Variants in PDE10A observed in about 807,000 individuals in gnomAD.
PDE10A encodes the protein cAMP and cAMP-inhibited cGMP 3',5'-cyclic phosphodiesterase 10A.
A neutral mutation model predicts 97.7 loss-of-function variants in PDE10A; 39 were observed. The observed-to-expected ratio is 0.40, with a 90% CI of 0.31 to 0.52. PDE10A has a LOEUF of 0.52. Ranked by LOEUF, PDE10A falls within the 20% of genes least tolerant of loss-of-function variation. PDE10A has a pLI of 0.56. For missense variants in PDE10A, 731 were observed against 1,047.8 expected, an observed-to-expected ratio of 0.70 and a Z score of 4.17; for synonymous variants, 371 against 376.8, an observed-to-expected ratio of 0.98 and a Z score of 0.18.
chr6:165,908,214 C>A (rs1251997748), intron 1 of PDE10A, among the ~76,000 whole-genome samples: 2 of 152,214 alleles, frequency 1.3e-5, no homozygotes, highest in Non-Finnish European at 2.9e-5. Flanking sequence ...GAGTCGGGCT[C>A]TGTCCCTGTT....
At chr6:165,979,066 G>A (rs549511357) in intron 1 of PDE10A, among the ~76,000 whole-genome samples, 25 of 152,246 alleles carry the variant, frequency 1.6e-4, no homozygotes, top group Non-Finnish European at 3.4e-4. Flanking sequence ...GATGACACAC[G>A]CACCAAGAGG....
intron 13 of PDE10A, among the ~76,000 whole-genome samples, chr6:165,398,003 TAAATA>T (rs1397168023): frequency 1.3e-5 from 2 of 152,210 alleles, no homozygotes; most frequent in Non-Finnish European, 2.9e-5. Flanking sequence ...TTTTACTTAC[TAAATA>T]AGTCTTTGTT....
At chr6:165,429,010 T>C (rs1296607530) in intron 9 of PDE10A, among the ~76,000 whole-genome samples, 2 of 152,070 alleles carry the variant, frequency 1.3e-5, no homozygotes, top group South Asian at 2.1e-4. Context: ...TAACAAAGTA[T>C]GCAGAAATAA....
chr6:165,735,098 A>G (rs1334756206), intron 1 of PDE10A, among the ~76,000 whole-genome samples: 2 of 151,704 alleles, frequency 1.3e-5, no homozygotes, highest in Non-Finnish European at 2.9e-5. Flanking sequence ...GTAGGTAGAT[A>G]GGTAGGCAGG....
chr6:165,873,949 G>A (rs1781268430), intron 1 of PDE10A, among the ~76,000 whole-genome samples: 1 of 152,220 alleles, frequency 6.6e-6, no homozygotes, highest in South Asian at 2.1e-4. Context: ...TCCATAAATG[G>A]AAAACATAAC....
chr6:165,616,207 C>T (rs1436147470), intron 1 of PDE10A, among the ~76,000 whole-genome samples: 2 of 152,016 alleles, frequency 1.3e-5, no homozygotes, highest in South Asian at 2.1e-4. Flanking sequence ...CAGTAGCTCC[C>T]GGTGTATCTC....
intron 5 of PDE10A, among the ~76,000 whole-genome samples, chr6:165,439,807 A>C (rs1189991668): frequency 2.0e-5 from 3 of 152,208 alleles, no homozygotes; most frequent in East Asian, 3.8e-4. Flanking sequence ...AATTTTGGGA[A>C]ATAAATAGAT....
intron 15 of PDE10A, among the ~76,000 whole-genome samples, chr6:165,394,247 GTGA>G (rs1785954968): frequency 1.3e-5 from 2 of 152,028 alleles, no homozygotes; most frequent in South Asian, 4.2e-4. Flanking sequence ...GCCCCAGTGT[GTGA>G]TGTTCCCCTC....
intron 2 of PDE10A, among the ~76,000 whole-genome samples, chr6:165,496,412 C>T (rs1780540323): frequency 6.6e-6 from 1 of 152,166 alleles, no homozygotes; most frequent in Admixed American, 6.5e-5. Context: ...GCTTCACTTA[C>T]CAACCATACA....
chr6:165,623,990 C>A (rs1476758792), intron 1 of PDE10A, among the ~76,000 whole-genome samples: 1 of 152,226 alleles, frequency 6.6e-6, no homozygotes, highest in Admixed American at 6.5e-5. Flanking sequence ...CCAAACTTGA[C>A]AATGGGAAAG....
In PDE10A at chr6:165,505,738, A is replaced by G. The variant is rs1029680191; in HGVS notation, c.995-23395T>C. 2.6e-5 allele frequency among the ~76,000 whole-genome samples: 4 copies of G among 152,168 alleles called. No homozygotes were observed. In the South Asian group the frequency reaches 6.2e-4, roughly 24 times the overall value. On this transcript the variant is annotated intron_variant, in intron 2 of 21. Transcript: ENST00000539869. The stretch of plus-strand genomic sequence containing the variant: ...GAGGTAAAGCCATAGAGCTTCTCTC[A>G]GAGAAAACAACACACATTTAAAAAT...
chr6:165,754,590 ATG>A (rs1245322813), intron 1 of PDE10A, among the ~76,000 whole-genome samples: 5 of 152,100 alleles, frequency 3.3e-5, no homozygotes, highest in East Asian at 1.9e-4. Context: ...ATGTGTGTGT[ATG>A]TGTGTGTGTA....
chr6:165,509,752 C>T (rs1009954927), intron 2 of PDE10A, among the ~76,000 whole-genome samples: 13 of 151,712 alleles, frequency 8.6e-5, no homozygotes, highest in Non-Finnish European at 1.6e-4. Flanking sequence ...CAATTTCTTT[C>T]TTTCAGTGTT....
chr6:165,460,890 C>T (rs554589261), intron 3 of PDE10A, among the ~76,000 whole-genome samples: 27 of 152,154 alleles, frequency 1.8e-4, no homozygotes, highest in African/African-American at 4.8e-4. Context: ...TTGAAAAAAC[C>T]GCTTCAAGTG....
chr6:165,378,682 T>C (rs1784758736), intron 18 of PDE10A, among the ~76,000 whole-genome samples: 1 of 152,224 alleles, frequency 6.6e-6, no homozygotes, highest in Non-Finnish European at 1.5e-5. Context: ...AATAAACTTT[T>C]CATTGCTACT....
At chr6:165,763,415 C>T (rs1048170691) in intron 1 of PDE10A, among the ~76,000 whole-genome samples, 3 of 152,160 alleles carry the variant, frequency 2.0e-5, no homozygotes, top group African/African-American at 4.8e-5. Context: ...CTCTGCCTCC[C>T]GGGTTCAAGC....
intron 1 of PDE10A, among the ~76,000 whole-genome samples, chr6:165,839,988 T>TCCAACTCCATCCCCATCCCCATCC (rs1780206563): frequency 7.9e-4 from 1 of 1,268 alleles, no homozygotes; most frequent in Non-Finnish European, 1.9e-3. Flanking sequence ...CATCCCCATC[T>TCCAACTCCATCCCCATCCCCATCC]CCAACTCCAT....
chr6:165,542,089 G>GT (rs749873052), intron 2 of PDE10A, among the ~76,000 whole-genome samples: 1 of 152,002 alleles, frequency 6.6e-6, no homozygotes, highest in East Asian at 1.9e-4. Context: ...CACTAATAAA[G>GT]TTTCCCCCAA....
intron 3 of PDE10A, among the ~76,000 whole-genome samples, chr6:165,480,967 A>C (rs1317444202): frequency 6.6e-6 from 1 of 152,210 alleles, no homozygotes; most frequent in African/African-American, 2.4e-5. Context: ...TTTTCTCCAA[A>C]TTTGGCATAA....
Sources: allele counts gnomAD v4.1 joint callset (sites outside exome capture counted in the v4.1 genomes callset), GRCh38; gene constraint gnomAD v4.1.1; transcripts MANE v1.5; gene names NCBI Gene and HGNC (gene_info 2026-07-23, HGNC 2026-07-21).